Variants in SYTL5 observed in about 807,000 individuals in gnomAD.
The protein encoded by SYTL5 is synaptotagmin like 5, also known as synaptotagmin-like protein 5.
In SYTL5, 34 loss-of-function variants were observed where a neutral mutation model predicts 55.9. That is an observed-to-expected ratio of 0.61 (90% confidence interval 0.46 to 0.81). The LOEUF (loss-of-function observed/expected upper bound fraction) is 0.81. Ranked by LOEUF, SYTL5 falls within the 30% of genes least tolerant of loss-of-function variation. SYTL5 has a pLI of 0.00. For missense variants in SYTL5, 637 were observed against 546.7 expected (o/e 1.17, Z -1.65); for synonymous variants, 221 against 188.7 (o/e 1.17, Z -1.40).
rs1191029508 is a variant in SYTL5, at chrX:38,122,191, G to A, written c.1817G>A (p.Gly606Asp). Residue 606 changes from glycine to aspartate, a missense_variant, in exon 15 of 17, where the codon GGC becomes GAC. Gly to Asp is a moderately conservative substitution (Grantham distance 94). Coordinates refer to ENST00000297875, the MANE Select transcript of SYTL5 (RefSeq NM_138780.3). Reference sequence around the variant, plus strand: ...AATTTGACAGCAGTGAAGTCAGGAGGCACTTCTGATAGCTTTGTGAAGGGG... The same window carrying A: ...AATTTGACAGCAGTGAAGTCAGGAGACACTTCTGATAGCTTTGTGAAGGGG... ...AKNLTAVKSG[G>D]TSDSFVKGYL... is the part of the protein sequence containing the mutation. The A allele has an allele frequency of 1.0e-5, 12 of 1,205,911 alleles. No homozygotes were observed. The African/African-American group carries it at 2.1e-4, about 21-fold the overall frequency.
chrX:37,904,269 G>C, the SYTL5 span, among the ~76,000 whole-genome samples: 5 of 105,466 alleles, frequency 4.7e-5, no homozygotes, highest in African/African-American at 7.0e-5. Context: ...GTGGTCCGGG[G>C]GGGGGGGTGA....
intron 3 of SYTL5, among the ~76,000 whole-genome samples, chrX:38,060,005 C>G (rs934893304): frequency 9.0e-6 from 1 of 111,518 alleles, no homozygotes; most frequent in Non-Finnish European, 1.9e-5. Flanking sequence ...GGGACTGTGA[C>G]TCAAAAACTC....
chrX:38,052,328 G>C (rs1935644855), intron 2 of SYTL5, among the ~76,000 whole-genome samples: 1 of 111,911 alleles, frequency 8.9e-6, no homozygotes, highest in Admixed American at 9.5e-5. Flanking sequence ...TAACATAAAG[G>C]GTAATGGTAA....
At chrX:38,104,797 T>C (rs1479609917) in intron 10 of SYTL5, among the ~76,000 whole-genome samples, 2 of 111,980 alleles carry the variant, frequency 1.8e-5, no homozygotes, top group Non-Finnish European at 3.8e-5. Context: ...TGACAGTTAC[T>C]GAGATACATA....
At chrX:38,091,284 G>T (rs1230107818) in intron 7 of SYTL5, among the ~76,000 whole-genome samples, 1 of 112,034 alleles carries the variant, frequency 8.9e-6, no homozygotes, top group Non-Finnish European at 1.9e-5. Flanking sequence ...AACAGTAATA[G>T]ATTTATTTAA....
chrX:37,995,179 C>T, the SYTL5 span, among the ~76,000 whole-genome samples: 20 of 110,330 alleles, frequency 1.8e-4, no homozygotes, highest in South Asian at 8.0e-4. Context: ...TGGGGTCCTC[C>T]GAGGCTTGTT....
chrX:37,937,711 C>G, the SYTL5 span, among the ~76,000 whole-genome samples: 51 of 112,174 alleles, frequency 4.5e-4, no homozygotes, highest in African/African-American at 1.6e-3. Flanking sequence ...CCATGGCAAA[C>G]TAATACAGTG....
At chrX:37,956,748 A>G in the SYTL5 span, among the ~76,000 whole-genome samples, 2 of 112,018 alleles carry the variant, frequency 1.8e-5, no homozygotes, top group Non-Finnish European at 3.8e-5. Context: ...TGCTATGAGC[A>G]TGGGAGCGCA....
chrX:37,917,613 G>A, the SYTL5 span, among the ~76,000 whole-genome samples: 5 of 112,025 alleles, frequency 4.5e-5, no homozygotes, highest in Non-Finnish European at 7.5e-5. Flanking sequence ...GAATAATTCA[G>A]TAACATTAAA....
At chrX:38,120,809 C>T (rs763836703) in intron 14 of SYTL5, among the ~76,000 whole-genome samples, 29 of 110,725 alleles carry the variant, frequency 2.6e-4, no homozygotes, top group Non-Finnish European at 4.5e-4. Flanking sequence ...ATGACATTCA[C>T]AGCTATTCAG....
chrX:38,025,836 T>C (rs926662093), intron 1 of SYTL5, among the ~76,000 whole-genome samples: 1 of 112,048 alleles, frequency 8.9e-6, no homozygotes, highest in African/African-American at 3.2e-5. Context: ...TATCCTCAGG[T>C]GAAGTCATTG....
At chrX:37,948,805 T>A in the SYTL5 span, among the ~76,000 whole-genome samples, 1 of 111,855 alleles carries the variant, frequency 8.9e-6, no homozygotes, top group East Asian at 2.8e-4. Context: ...TATTCCATTT[T>A]GTTTATGTAC....
intron 3 of SYTL5, among the ~76,000 whole-genome samples, chrX:38,065,373 A>C (rs913318708): frequency 1.8e-5 from 2 of 111,290 alleles, no homozygotes; most frequent in African/African-American, 3.3e-5. Flanking sequence ...TTTAGTGAGA[A>C]TCTATTTGGT....
At chrX:37,911,139 A>T in the SYTL5 span, among the ~76,000 whole-genome samples, 1 of 108,131 alleles carries the variant, frequency 9.2e-6, no homozygotes, top group Non-Finnish European at 1.9e-5. Context: ...CTAATTTTTT[A>T]AAAAATATTT....
the SYTL5 span, among the ~76,000 whole-genome samples, chrX:37,934,934 G>A: frequency 1.8e-5 from 2 of 111,607 alleles, no homozygotes; most frequent in Non-Finnish European, 3.8e-5. Context: ...GCGCCTGGCC[G>A]AATGCTTCAA....
chrX:38,051,287 T>C (rs1935616773), intron 2 of SYTL5, among the ~76,000 whole-genome samples: 1 of 110,819 alleles, frequency 9.0e-6, no homozygotes, highest in South Asian at 3.8e-4. Context: ...AAAGGAAAAC[T>C]ACTGGTTGGT....
chrX:38,018,853 G>T (rs1934447638), intron 1 of SYTL5, among the ~76,000 whole-genome samples: 2 of 111,573 alleles, frequency 1.8e-5, no homozygotes, highest in Non-Finnish European at 3.8e-5. Context: ...TCCCAAAAGT[G>T]ACTCTTATTT....
intron 1 of SYTL5, among the ~76,000 whole-genome samples, chrX:38,020,843 A>G (rs1177149113): frequency 9.0e-6 from 1 of 111,679 alleles, no homozygotes; most frequent in African/African-American, 3.3e-5. Flanking sequence ...TAATATTCAA[A>G]TGATATATTC....
the SYTL5 span, among the ~76,000 whole-genome samples, chrX:37,935,212 G>T: frequency 1.3e-4 from 14 of 111,948 alleles, no homozygotes; most frequent in African/African-American, 1.9e-4. Flanking sequence ...AAAAGAAAGA[G>T]ACTGTCAACT....
Sources: gnomAD v4.1 joint callset for allele counts (sites outside exome capture counted in the v4.1 genomes callset) on GRCh38, gnomAD v4.1.1 for gene constraint, MANE v1.5 for transcripts, NCBI Gene and HGNC (gene_info 2026-07-23, HGNC 2026-07-21) for gene names.